The following TLCD4 variants were observed in gnomAD, a reference collection of about 807,000 sequenced individuals.
The protein encoded by TLCD4 is TLC domain containing 4, also known as TLC domain-containing protein 4.
Under a neutral mutation model 24.2 loss-of-function variants are expected in TLCD4, and 7 were observed. The observed-to-expected ratio is 0.29, with a 90% CI of 0.16 to 0.54. The LOEUF (loss-of-function observed/expected upper bound fraction) is 0.54, where lower values mean the gene tolerates loss of function less well. TLCD4 is among the 20% of genes least tolerant of loss of function. The probability of loss-of-function intolerance (pLI) is 0.95; values close to 1 mark genes in which losing one functional copy is unlikely to be tolerated. For missense variants in TLCD4, 259 were observed against 313.9 expected (o/e 0.82, Z 1.32); for synonymous variants, 103 against 106.4 (o/e 0.97, Z 0.20).
At chr1:95,150,415 A>G in intron 4 of TLCD4, 149 bp downstream of exon 4, 3 of 1,005,428 alleles carry the variant, frequency 3.0e-6, no homozygotes, top group Non-Finnish European at 4.2e-6. Context: ...ATGGTAGAAC[A>G]TGAAATGTCT....
In TLCD4 at chr1:95,131,320, T is replaced by C. The variant is rs1439176628; in HGVS notation, c.-11-12571T>C. 3.3e-5 allele frequency among the ~76,000 whole-genome samples: 5 copies of C among 152,046 alleles called. No individual in the cohort carries two copies. The East Asian group carries it at 9.7e-4, about 29-fold the overall frequency. ...ATGTGAACTTGGGAGTAGAGGGGTA[T>C]GGAAGGGAGTTAGGGAATAGGATGT... is the stretch of plus-strand genomic sequence containing the variant. On this transcript the variant is annotated intron_variant, in intron 1 of 6. Coordinates refer to ENST00000370203, the MANE Select transcript of TLCD4 (RefSeq NM_152487.3).
the TLCD4 span, among the ~76,000 whole-genome samples, chr1:95,097,079 T>TA: frequency 6.6e-6 from 1 of 152,224 alleles, no homozygotes; most frequent in African/African-American, 2.4e-5. Context: ...TTCTTCCCCT[T>TA]AAAAATGTTT....
chr1:95,167,948 CTG>C (rs1379511141), intron 5 of TLCD4, among the ~76,000 whole-genome samples: 1 of 152,176 alleles, frequency 6.6e-6, no homozygotes, highest in Non-Finnish European at 1.5e-5. Context: ...CTCTCGTAAA[CTG>C]TCTTTTTTCA....
intron 1 of TLCD4, among the ~76,000 whole-genome samples, chr1:95,134,711 A>C (rs1281183983): frequency 6.6e-6 from 1 of 152,182 alleles, no homozygotes; most frequent in East Asian, 1.9e-4. Context: ...TGATGAAAAC[A>C]GGCATGAGTT....
intron 1 of TLCD4, among the ~76,000 whole-genome samples, chr1:95,132,402 A>AGCCGAGATT (rs1220809803): frequency 6.9e-6 from 1 of 144,504 alleles, no homozygotes; most frequent in Non-Finnish European, 1.5e-5. Context: ...GGTTGCAGTG[A>AGCCGAGATT]GCCGAGATTG....
At chr1:95,143,092 A>G (rs72722125) in intron 1 of TLCD4, among the ~76,000 whole-genome samples, 6 of 151,934 alleles carry the variant, frequency 3.9e-5, no homozygotes, top group Non-Finnish European at 8.8e-5. Flanking sequence ...TTATACTCCT[A>G]TGTAAACGTC....
chr1:95,096,059 ATC>A, the TLCD4 span, among the ~76,000 whole-genome samples: 4 of 152,224 alleles, frequency 2.6e-5, no homozygotes, highest in Non-Finnish European at 5.9e-5. Flanking sequence ...TGTTTCCTCA[ATC>A]TCTCTGCAAG....
intron 1 of TLCD4, among the ~76,000 whole-genome samples, chr1:95,131,173 T>G (rs1367764879): frequency 6.6e-6 from 1 of 152,168 alleles, no homozygotes; most frequent in Non-Finnish European, 1.5e-5. Context: ...TACATTCCAC[T>G]GTGAGAAGGA....
intron 5 of TLCD4, among the ~76,000 whole-genome samples, chr1:95,166,549 T>C (rs1376277193): frequency 6.6e-6 from 1 of 152,196 alleles, no homozygotes; most frequent in East Asian, 1.9e-4. Flanking sequence ...TCATTAGTAG[T>C]GCATCCAGTC....
the TLCD4 span, among the ~76,000 whole-genome samples, chr1:95,102,976 A>T: frequency 1.2e-3 from 107 of 89,146 alleles, no homozygotes; most frequent in African/African-American, 2.7e-3. Context: ...ACTACTTTTT[A>T]AAAAAAAAAT....
intron 1 of TLCD4, among the ~76,000 whole-genome samples, chr1:95,128,080 GAA>G (rs1557678319): frequency 6.6e-6 from 1 of 152,168 alleles, no homozygotes; most frequent in Non-Finnish European, 1.5e-5. Flanking sequence ...TAGCCTGGGC[GAA>G]AGAGTAACAC....
At chr1:95,112,651 T>C (rs12563424), upstream of TLCD4, among the ~76,000 whole-genome samples, 45,586 of 152,058 alleles carry the variant, frequency 0.3, 8,016 homozygotes, top group Middle Eastern at 0.4. Context: ...ATCTAAATTA[T>C]CAGTCAGGAA....
chr1:95,184,526 C>T (rs946417001), intron 6 of TLCD4, among the ~76,000 whole-genome samples: 1 of 152,060 alleles, frequency 6.6e-6, no homozygotes, highest in African/African-American at 2.4e-5. Flanking sequence ...GGTTCAAGTT[C>T]CTTTAGAAGG....
rs1474836494 is a variant in TLCD4 at position 95,173,533 on chromosome 1, C to T, written c.400-283C>T. 4.6e-5 allele frequency among the ~76,000 whole-genome samples: 7 copies of T among 152,258 alleles called. No individual in the cohort carries two copies. The East Asian group carries it at 5.8e-4, about 13-fold the overall frequency. On this transcript the variant is annotated intron_variant, in intron 5 of 6. Transcript: ENST00000370203. ...GGTTATTTAGAGTTCATTTGTTTAA[C>T]GTGACACAACTGCTTGAAGCCTATT...
chr1:95,140,386 C>T (rs1677164918), intron 1 of TLCD4, among the ~76,000 whole-genome samples: 2 of 152,148 alleles, frequency 1.3e-5, no homozygotes, highest in African/African-American at 4.8e-5. Flanking sequence ...TCTTATGAGA[C>T]CACCATTGTA....
chr1:95,107,211 C>T, the TLCD4 span, among the ~76,000 whole-genome samples: 2 of 152,190 alleles, frequency 1.3e-5, no homozygotes, highest in Admixed American at 1.3e-4. Context: ...ATCATGAGGT[C>T]AGGAGATCGA....
At chr1:95,149,323 T>C (rs1408247897) in intron 3 of TLCD4, among the ~76,000 whole-genome samples, 1 of 152,126 alleles carries the variant, frequency 6.6e-6, no homozygotes, top group African/African-American at 2.4e-5. Flanking sequence ...TTAGAAAAAT[T>C]TAAATGTCAT....
intron 5 of TLCD4, among the ~76,000 whole-genome samples, chr1:95,170,082 C>A (rs1348304929): frequency 6.6e-6 from 1 of 152,156 alleles, no homozygotes; most frequent in Admixed American, 6.5e-5. Flanking sequence ...TTGCAGCAGT[C>A]TGGTCTGTCA....
chr1:95,093,719 G>A, the TLCD4 span, among the ~76,000 whole-genome samples: 3 of 152,232 alleles, frequency 2.0e-5, no homozygotes, highest in Admixed American at 6.5e-5. Flanking sequence ...TCCGAAATTC[G>A]TATGTCCAAC....
Sources: allele counts gnomAD v4.1 joint callset (sites outside exome capture counted in the v4.1 genomes callset), GRCh38; gene constraint gnomAD v4.1.1; transcripts MANE v1.5; gene names NCBI Gene and HGNC (gene_info 2026-07-23, HGNC 2026-07-21).